The following PKNOX2 variants were observed in gnomAD, a reference collection of about 807,000 sequenced individuals.
PKNOX2 encodes PBX/knotted 1 homeobox 2.
A neutral mutation model predicts 53.1 loss-of-function variants in PKNOX2; 14 were observed. The observed-to-expected ratio is 0.26, with a 90% CI of 0.17 to 0.41. The LOEUF is 0.41. PKNOX2 is among the 10% of genes least tolerant of loss of function. The pLI is 1.00. For missense variants in PKNOX2, 496 were observed against 602.8 expected, an observed-to-expected ratio of 0.82 and a Z score of 1.85; for synonymous variants, 257 against 242.8, an observed-to-expected ratio of 1.06 and a Z score of -0.54.
At chr11:125,209,767 G>T (rs1939606347) in intron 1 of PKNOX2, among the ~76,000 whole-genome samples, 1 of 151,876 alleles carries the variant, frequency 6.6e-6, no homozygotes, top group Non-Finnish European at 1.5e-5. Flanking sequence ...AGGCAAAAGG[G>T]CGCCTCTCCC....
At chr11:125,300,476 C>A (rs1027283064) in intron 2 of PKNOX2, among the ~76,000 whole-genome samples, 19 of 152,188 alleles carry the variant, frequency 1.2e-4, no homozygotes, top group Non-Finnish European at 2.8e-4. Flanking sequence ...GCAACAGAAC[C>A]AAGATTTAAG....
At chr11:125,182,272 G>A (rs1956197915) in intron 1 of PKNOX2, among the ~76,000 whole-genome samples, 1 of 152,174 alleles carries the variant, frequency 6.6e-6, no homozygotes, top group Admixed American at 6.5e-5. Context: ...TGAGTCAGGA[G>A]AGAGGGAGAG....
At chr11:125,398,244 T>C (rs1330128288) in intron 7 of PKNOX2, among the ~76,000 whole-genome samples, 182 bp downstream of exon 7, 1 of 152,220 alleles carries the variant, frequency 6.6e-6, no homozygotes, top group Non-Finnish European at 1.5e-5. Flanking sequence ...ATCCCTTTTT[T>C]ACACACAGTC....
intron 1 of PKNOX2, chr11:125,191,325 T>G (rs1956864290): frequency 6.6e-6 from 1 of 152,158 alleles, no homozygotes; most frequent in African/African-American, 2.4e-5. Flanking sequence ...TGTGTTGATT[T>G]TATTTTGTGA....
intron 2 of PKNOX2, among the ~76,000 whole-genome samples, chr11:125,249,328 T>A (rs1435024745): frequency 1.3e-5 from 2 of 152,148 alleles, no homozygotes; most frequent in African/African-American, 2.4e-5. Flanking sequence ...GATTTACTTC[T>A]AAATAGTATA....
At chr11:125,430,184 T>G (rs1565524894) in intron 12 of PKNOX2, 43 bp downstream of exon 12, 3 of 1,594,006 alleles carry the variant, frequency 1.9e-6, no homozygotes, top group Non-Finnish European at 2.6e-6. Context: ...GGGCTGGGGG[T>G]GCTCCTGGAG....
At chr11:125,419,069 T>C (rs1252507089) in intron 10 of PKNOX2, among the ~76,000 whole-genome samples, 1 of 151,898 alleles carries the variant, frequency 6.6e-6, no homozygotes, top group Non-Finnish European at 1.5e-5. Context: ...CCCATCCACA[T>C]GGCTGACATA....
intron 2 of PKNOX2, among the ~76,000 whole-genome samples, chr11:125,257,637 C>T (rs1944506526): frequency 6.6e-6 from 1 of 152,214 alleles, no homozygotes; most frequent in Admixed American, 6.5e-5. Flanking sequence ...AGCTGACGAT[C>T]CTGCCCACAG....
At chr11:125,228,269 A>ACATTT (rs904581192) in intron 1 of PKNOX2, among the ~76,000 whole-genome samples, 3 of 152,222 alleles carry the variant, frequency 2.0e-5, no homozygotes, top group African/African-American at 4.8e-5. Flanking sequence ...ACTGAATTTT[A>ACATTT]CATTTCATTT....
intron 1 of PKNOX2, among the ~76,000 whole-genome samples, chr11:125,230,603 T>C (rs938491832): frequency 6.6e-6 from 1 of 152,208 alleles, no homozygotes; most frequent in East Asian, 1.9e-4. Context: ...AGACTCTTAG[T>C]GTTCAAGAAG....
At chr11:125,206,537 T>C (rs1343133344) in intron 1 of PKNOX2, among the ~76,000 whole-genome samples, 1 of 152,156 alleles carries the variant, frequency 6.6e-6, no homozygotes, top group Non-Finnish European at 1.5e-5. Flanking sequence ...AGAGTTCTTA[T>C]CTAACCAGTG....
At chr11:125,316,929 C>T (rs371841276) in intron 2 of PKNOX2, among the ~76,000 whole-genome samples, 1 of 152,218 alleles carries the variant, frequency 6.6e-6, no homozygotes, top group Non-Finnish European at 1.5e-5. Flanking sequence ...TAGCATTTTA[C>T]CCACAGTAGA....
At chr11:125,385,835 C>T in intron 6 of PKNOX2, 113 bp downstream of exon 6, 1 of 1,280,196 alleles carries the variant, frequency 7.8e-7, no homozygotes, top group Non-Finnish European at 1.1e-6. Context: ...TTTTGAGTGC[C>T]CACCATGAGT....
chr11:125,330,697 C>G (rs753683522), intron 2 of PKNOX2, among the ~76,000 whole-genome samples: 1 of 152,086 alleles, frequency 6.6e-6, no homozygotes, highest in South Asian at 2.1e-4. Flanking sequence ...CACACAAACA[C>G]ACATACACAT....
At chr11:125,299,744 TG>T (rs1304228430) in intron 2 of PKNOX2, among the ~76,000 whole-genome samples, 1 of 152,150 alleles carries the variant, frequency 6.6e-6, no homozygotes, top group Admixed American at 6.5e-5. Context: ...TTACCCGATT[TG>T]GAGAGGGTGA....
chr11:125,261,217 A>G (rs1235666167), intron 2 of PKNOX2, among the ~76,000 whole-genome samples: 1 of 152,204 alleles, frequency 6.6e-6, no homozygotes, highest in Non-Finnish European at 1.5e-5. Context: ...GTTTGCTGTC[A>G]GGATGGGATG....
At chr11:125,353,248 C>A (rs1951414975) in intron 4 of PKNOX2, among the ~76,000 whole-genome samples, 1 of 152,198 alleles carries the variant, frequency 6.6e-6, no homozygotes, top group Non-Finnish European at 1.5e-5. Context: ...CAAGGACAGA[C>A]CAGGGCAGGG....
At chr11:125,218,426 T>C (rs1001146092) in intron 1 of PKNOX2, among the ~76,000 whole-genome samples, 2 of 151,672 alleles carry the variant, frequency 1.3e-5, no homozygotes, top group African/African-American at 4.8e-5. Context: ...GACAGGAACT[T>C]GTTCCAAAAT....
At chr11:125,262,634 C>G (rs1944954098) in intron 2 of PKNOX2, among the ~76,000 whole-genome samples, 1 of 151,268 alleles carries the variant, frequency 6.6e-6, no homozygotes, top group Non-Finnish European at 1.5e-5. Context: ...TGTCCTTTCT[C>G]TACCCCACAG....
Sources: gnomAD v4.1 joint callset for allele counts (sites outside exome capture counted in the v4.1 genomes callset) on GRCh38, gnomAD v4.1.1 for gene constraint, MANE v1.5 for transcripts, NCBI Gene and HGNC (gene_info 2026-07-23, HGNC 2026-07-21) for gene names.